LIG3: variants seen among roughly 807,000 people sequenced by gnomAD.
LIG3 encodes the protein DNA ligase 3.
LIG3 carries 58 observed loss-of-function variants against 110.9 expected under a neutral mutation model. The ratio of observed to expected loss-of-function variants is 0.52; its 90% CI spans 0.42 to 0.65. The LOEUF (loss-of-function observed/expected upper bound fraction) is 0.65. Ranked by LOEUF, LIG3 falls within the 30% of genes least tolerant of loss-of-function variation. The pLI is 0.00. For synonymous variants in LIG3, 422 were observed against 472.8 expected, an observed-to-expected ratio of 0.89 and a Z score of 1.39; for missense variants, 1,094 against 1,273.8, an observed-to-expected ratio of 0.86 and a Z score of 2.15.
intron 2 of LIG3, 57 bp from the exon 3 acceptor site, chr17:34,985,931 G>A: frequency 6.4e-7 from 1 of 1,569,150 alleles, no homozygotes; most frequent in Non-Finnish European, 8.7e-7. Flanking sequence ...TTCTTTGGAT[G>A]TTTTTTTCAG....
chr17:34,983,206 T>C lies in LIG3; in HGVS notation c.201T>C (p.Arg67=), dbSNP rs202218976. The stretch of plus-strand genomic sequence containing the variant: ...TCCAGGGAAGCCATCTAAGATCACG[T>C]GCCACCTACCTTGTTTTCTTGCCAG... The part of the protein sequence containing the change: ...LSFQGSHLRS[R]ATYLVFLPGL... Residue 67 remains arginine (R), a synonymous_variant, in exon 2 of 20, where the codon CGT becomes CGC. Transcript: ENST00000378526. 4 of 1,614,216 alleles carry C rather than the reference T, an allele frequency of 2.5e-6. No individual in the cohort carries two copies. The Admixed American group carries it at 6.7e-5, about 27-fold the overall frequency.
At chr17:34,985,276 TG>T (rs1219560595) in intron 2 of LIG3, among the ~76,000 whole-genome samples, 3 of 152,200 alleles carry the variant, frequency 2.0e-5, no homozygotes, top group African/African-American at 7.2e-5. Context: ...TGTAAAATAA[TG>T]TTCATATCTT....
rs1485596604 is a variant in LIG3 at position 34,983,530 on chromosome 17, A to G, written c.525A>G (p.Glu175=). 6.2e-7 allele frequency: 1 copy of G among 1,613,496 alleles called. No individual in the cohort carries two copies. Among genetic ancestry groups the G allele is most frequent in the Non-Finnish European group, 8.5e-7 (1 of 1,179,842 alleles). ...GWEELEDNEK[E]QITQHIADLS... ...AAGAGCTGGAAGATAATGAGAAGGA[A>G]CAGATAACCCAGCACATTGCAGGTA... is the stretch of plus-strand genomic sequence containing the variant. Residue 175 remains glutamate, a synonymous_variant, in exon 2 of 20, where the codon GAA becomes GAG. Coordinates refer to ENST00000378526, the MANE Select transcript of LIG3 (RefSeq NM_013975.4).
In LIG3 at chr17:35,001,929, G is replaced by A; in HGVS notation, c.2499G>A (p.Lys833=). 6 of 1,610,868 alleles carry A rather than the reference G, an allele frequency of 3.7e-6. No individual in the cohort carries two copies. Among genetic ancestry groups the A allele is most frequent in the Non-Finnish European group, 4.2e-6 (5 of 1,178,880 alleles). Residue 833 remains lysine, a synonymous_variant, in exon 18 of 20, where the codon AAG becomes AAA. Coordinates refer to ENST00000378526, the MANE Select transcript of LIG3 (RefSeq NM_013975.4). ...CTCAGGAACTGTACCAGTTGTCCAA[G>A]GAGAAGGCAGACTTCACTGTAGTGG... ...PQLKELYQLS[K]EKADFTVVAG... is the part of the protein sequence containing the mutation.
Position 35,008,005 on chromosome 17 carries a change from T to C in LIG3, c.*3499T>C, listed in dbSNP as rs889555653. Reference sequence around the variant, plus strand: ...ATCCACGCACCTCAGCCTCCCAAAGTGCTGGGATTACAGGCGTGAGCCATG... The same window carrying C: ...ATCCACGCACCTCAGCCTCCCAAAGCGCTGGGATTACAGGCGTGAGCCATG... On this transcript the variant is annotated 3_prime_UTR_variant, in exon 20 of 20. Transcript: ENST00000378526. 3.9e-5 allele frequency: 6 copies of C among 152,216 alleles called. No homozygotes were observed. The highest frequency in any genetic ancestry group is 1.4e-4 in the African/African-American group (6 of 41,408). The allele number at this position is 152,216 out of a possible 1,614,324, so 9.4% of individuals were successfully genotyped here.
At position 35,004,328 on chromosome 17, in the gene LIG3, A is replaced by T; in HGVS notation, c.2852A>T (p.Asp951Val). The part of the protein sequence containing the change: ...VRLYLPPSTP[D>V]FSRLRRYFVA... Reference sequence around the variant, plus strand: ...CTTTACTTGCCACCCTCCACACCAGACTTCAGCCGTCTCAGACGCTACTTT... The same window carrying T: ...CTTTACTTGCCACCCTCCACACCAGTCTTCAGCCGTCTCAGACGCTACTTT... The change falls in exon 20 of 20, where the codon GAC becomes GTC. Residue 951 changes from aspartate (D) to valine (V), a missense_variant. By Grantham distance (152) the Asp-to-Val change is radical. Transcript: ENST00000378526. 1.9e-6 allele frequency: 3 copies of T among 1,614,108 alleles called. No individual in the cohort carries two copies. Among genetic ancestry groups the T allele is most frequent in the Non-Finnish European group, 2.5e-6 (3 of 1,180,008 alleles).
rs1301755999 is a variant in LIG3 at position 34,984,109 on chromosome 17, T to C, written c.547+557T>C. On this transcript the variant is annotated intron_variant, in intron 2 of 19. Coordinates refer to ENST00000378526, the MANE Select transcript of LIG3 (RefSeq NM_013975.4). ...ATAGCTATCATCTTCAGAAAATTTG[T>C]CCTTGATGTAATACTTAAATCTACC... Among the ~76,000 whole-genome samples the C allele has an allele frequency of 5.3e-5, 8 of 152,362 alleles. No individual in the cohort carries two copies. The East Asian group carries it at 1.3e-3, about 26-fold the overall frequency.
intron 17 of LIG3, among the ~76,000 whole-genome samples, 168 bp downstream of exon 17, chr17:35,001,571 G>A (rs1364754399): frequency 1.3e-5 from 2 of 152,188 alleles, no homozygotes; most frequent in Admixed American, 6.5e-5. Flanking sequence ...TGGGCCAGGG[G>A]CACAGCACTA....
At chr17:35,001,849 CCT>C (rs1375146132) in intron 17 of LIG3, 58 bp from the exon 18 acceptor site, 6 of 1,495,386 alleles carry the variant, frequency 4.0e-6, no homozygotes, top group Non-Finnish European at 5.5e-6. Flanking sequence ...ACACACACCA[CCT>C]CTGAGGCCAG....
At position 34,983,045 on chromosome 17, in the gene LIG3, C is replaced by T. The variant is rs373759631; in HGVS notation, c.40C>T (p.Arg14Cys). 4.0e-5 allele frequency: 64 copies of T among 1,610,278 alleles called. No individual in the cohort carries two copies. The Middle Eastern group carries it at 5.0e-4, about 12-fold the overall frequency. The change falls in exon 2 of 20, where the codon CGT becomes TGT. Residue 14 changes from arginine to cysteine, a missense_variant. Arg to Cys is a radical substitution (Grantham distance 180). Coordinates refer to ENST00000378526, the MANE Select transcript of LIG3 (RefSeq NM_013975.4). ...CAAGATCTTCTTTCCACAAACCCTC[C>T]GTGCACTCAGCCGAAAAGAACTGTG... Reference protein sequence around the residue: ...AFKIFFPQTLRALSRKELCLF... With the variant: ...AFKIFFPQTLCALSRKELCLF...
intron 19 of LIG3, chr17:35,003,529 GGTC>G (rs2090867342): frequency 5.9e-6 from 1 of 170,664 alleles, no homozygotes. Context: ...TGGTCAGGCT[GGTC>G]CCAAAGTCCT....
Position 35,001,299 on chromosome 17 carries a change from T to G in LIG3, c.2374T>G (p.Ser792Ala). The change falls in exon 17 of 20, where the codon TCG becomes GCG. Residue 792 changes from serine (S) to alanine (A), a missense_variant. Coordinates refer to ENST00000378526, the MANE Select transcript of LIG3 (RefSeq NM_013975.4). ...WEITGAEFSK[S>A]EAHTADGISI... ...GATCACAGGGGCTGAATTCTCCAAATCGGAGGCTCATACAGCTGACGGGAT... is the reference window on the plus strand; with the variant it reads ...GATCACAGGGGCTGAATTCTCCAAAGCGGAGGCTCATACAGCTGACGGGAT... 6.2e-7 allele frequency: 1 copy of G among 1,614,130 alleles called. No individual in the cohort carries two copies. The highest frequency in any genetic ancestry group is 8.5e-7 in the Non-Finnish European group (1 of 1,179,994).
In LIG3 at chr17:35,004,155, A is replaced by T. The variant is rs964424483; in HGVS notation, c.2797-118A>T. 6 of 705,180 alleles carry T rather than the reference A, an allele frequency of 8.5e-6. No individual in the cohort carries two copies. In the African/African-American group the frequency reaches 8.9e-5, roughly 10 times the overall value. 43.7% of individuals were successfully genotyped at this position (705,180 alleles called of 1,614,324 possible). On this transcript the variant is annotated intron_variant, in intron 19 of 19. Coordinates refer to ENST00000378526, the MANE Select transcript of LIG3 (RefSeq NM_013975.4). Reference sequence around the variant, plus strand: ...GTATTGATGCATGGTATTCCAGTAAACTTCTCTGCTTGTGTCCTAACTCTA... The same window carrying T: ...GTATTGATGCATGGTATTCCAGTAATCTTCTCTGCTTGTGTCCTAACTCTA...
intron 2 of LIG3, among the ~76,000 whole-genome samples, chr17:34,984,190 C>T (rs1263796743): frequency 6.6e-6 from 1 of 152,152 alleles, no homozygotes; most frequent in Non-Finnish European, 1.5e-5. Context: ...CCTTTTCCTG[C>T]AGTATAGGAT....
downstream of LIG3, chr17:35,009,932 A>G (rs2090925341): frequency 6.6e-6 from 1 of 152,654 alleles, no homozygotes; most frequent in African/African-American, 2.4e-5. Flanking sequence ...ATTGTAAACT[A>G]TAGTATTTAC....
At chr17:35,000,609 T>A (rs866311593) in intron 16 of LIG3, among the ~76,000 whole-genome samples, 1 of 85,726 alleles carries the variant, frequency 1.2e-5, no homozygotes, top group Non-Finnish European at 2.0e-5. Flanking sequence ...TGGGAGATAC[T>A]TTTTTTTTTT....
intron 13 of LIG3, 120 bp downstream of exon 13, chr17:34,998,416 G>A: frequency 9.0e-7 from 1 of 1,111,120 alleles, no homozygotes; most frequent in South Asian, 1.4e-5. Flanking sequence ...GGCTGCTGGG[G>A]AAGTGTGGGC....
At chr17:35,010,219 C>T (rs2090927734), downstream of LIG3, 1 of 152,184 alleles carries the variant, frequency 6.6e-6, no homozygotes, top group Non-Finnish European at 1.5e-5. Flanking sequence ...GTTCTAGTCT[C>T]AGATTTTTCA....
chr17:34,982,230 A>G (rs914910971), intron 1 of LIG3, among the ~76,000 whole-genome samples: 5 of 152,324 alleles, frequency 3.3e-5, no homozygotes, highest in Non-Finnish European at 5.9e-5. Context: ...TTGTCTCTCA[A>G]TATAGGGATT....
Sources: allele counts gnomAD v4.1 joint callset (sites outside exome capture counted in the v4.1 genomes callset), GRCh38; gene constraint gnomAD v4.1.1; transcripts MANE v1.5; gene names NCBI Gene and HGNC (gene_info 2026-07-23, HGNC 2026-07-21).